TMEM184C: variants seen among roughly 807,000 people sequenced by gnomAD.
TMEM184C encodes the protein transmembrane protein 34.
In TMEM184C, 25 loss-of-function variants were observed where a neutral mutation model predicts 54.5. The observed-to-expected ratio is 0.46, with a 90% CI of 0.33 to 0.64. The LOEUF (loss-of-function observed/expected upper bound fraction) is 0.64, where lower values mean the gene tolerates loss of function less well. Among genes scored for constraint, TMEM184C ranks in the 30% least tolerant of loss-of-function variants. TMEM184C has a pLI of 0.02. For synonymous variants in TMEM184C, 148 were observed against 181.5 expected (o/e 0.82, Z 1.49); for missense variants, 335 against 520.3 (o/e 0.64, Z 3.46).
chr4:147,617,832 A>C lies in TMEM184C; in HGVS notation c.-125A>C. On this transcript the variant is annotated 5_prime_UTR_variant, in exon 1 of 10. It removes the in-frame stop codon of an upstream open reading frame in the 5' UTR. Coordinates refer to ENST00000296582, the MANE Select transcript of TMEM184C (RefSeq NM_018241.3). ...CCAGGAGGCGGCTCGAGCTGTTCGT[A>C]AAGTCGCCCGACAGCTTTTTCTCCG... The C allele has an allele frequency of 7.1e-7, 1 of 1,409,746 alleles. No individual in the cohort carries two copies. Among genetic ancestry groups the C allele is most frequent in the Non-Finnish European group, 9.9e-7 (1 of 1,011,096 alleles). The allele number at this position is 1,409,746 out of a possible 1,614,324, so 87.3% of individuals were successfully genotyped here.
At chr4:147,627,434 G>T (rs1732834531) in intron 4 of TMEM184C, among the ~76,000 whole-genome samples, 1 of 152,144 alleles carries the variant, frequency 6.6e-6, no homozygotes, top group Admixed American at 6.5e-5. Flanking sequence ...GGGATTACAG[G>T]CGTGCCCGGC....
At position 147,617,938 on chromosome 4, in the gene TMEM184C, A is replaced by C; in HGVS notation, c.-19A>C. 6.2e-7 allele frequency: 1 copy of C among 1,613,908 alleles called. No individual in the cohort carries two copies. Among genetic ancestry groups the C allele is most frequent in the Non-Finnish European group, 8.5e-7 (1 of 1,179,876 alleles). On this transcript the variant is annotated 5_prime_UTR_variant, in exon 1 of 10. Coordinates refer to ENST00000296582, the MANE Select transcript of TMEM184C (RefSeq NM_018241.3). ...CGAGATCTTTTCCCTTGCTAACCGG[A>C]TCTGATTTGTGCGAAAACATGCCTT...
intron 4 of TMEM184C, among the ~76,000 whole-genome samples, chr4:147,626,781 A>T (rs991074121): frequency 2.0e-5 from 3 of 152,240 alleles, no homozygotes; most frequent in Non-Finnish European, 4.4e-5. Flanking sequence ...ATATATAGTT[A>T]GTTATTTCAG....
chr4:147,625,261 A>G (rs551566291), intron 4 of TMEM184C, among the ~76,000 whole-genome samples: 1 of 152,360 alleles, frequency 6.6e-6, no homozygotes, highest in East Asian at 1.9e-4. Flanking sequence ...TAAAAACAGT[A>G]ATCATTTAAT....
At chr4:147,619,490 CG>C (rs1243680513) in intron 1 of TMEM184C, among the ~76,000 whole-genome samples, 1 of 152,114 alleles carries the variant, frequency 6.6e-6, no homozygotes, top group Non-Finnish European at 1.5e-5. Flanking sequence ...CCACCGCACC[CG>C]GCCCATATAG....
rs190919721 is a variant in TMEM184C at position 147,635,157 on chromosome 4, T to G, written c.*723T>G. 29 of 152,346 alleles carry G rather than the reference T, an allele frequency of 1.9e-4. No individual in the cohort carries two copies. Among genetic ancestry groups the G allele is most frequent in the Admixed American group, 7.2e-4 (11 of 15,306 alleles). The allele number at this position is 152,346 out of a possible 1,614,324, so 9.4% of individuals were successfully genotyped here. A position where few individuals can be genotyped will look rare whatever the true frequency, so the allele number is the denominator to read the frequency against. On this transcript the variant is annotated 3_prime_UTR_variant, in exon 10 of 10. Coordinates refer to ENST00000296582, the MANE Select transcript of TMEM184C (RefSeq NM_018241.3). ...TAATCATGTGCCATATAAGCTTACC[T>G]AACAAACAGTTATATCCCTATTCCT... is the stretch of plus-strand genomic sequence containing the variant.
In TMEM184C at chr4:147,633,007, G is replaced by A. The variant is rs1467094807; in HGVS notation, c.879+5G>A. ...GCTGTGGCCACCGGACTCCAGGTAA[G>A]TAGTGCCATCTCTGAATTCAATAGA... On this transcript the variant is annotated splice_donor_5th_base_variant and intron_variant, in intron 8 of 9. Transcript: ENST00000296582. 1 of 1,610,774 alleles carries A rather than the reference G, an allele frequency of 6.2e-7. No individual in the cohort carries two copies. The highest frequency in any genetic ancestry group is 2.2e-5 in the East Asian group (1 of 44,868).
chr4:147,633,677 C>T, intron 8 of TMEM184C, 88 bp from the exon 9 acceptor site: 2 of 1,157,136 alleles, frequency 1.7e-6, no homozygotes, highest in Non-Finnish European at 2.3e-6. Flanking sequence ...TATCTTAGCA[C>T]TTTTGAAAAG....
At chr4:147,619,259 G>A (rs181815129) in intron 1 of TMEM184C, among the ~76,000 whole-genome samples, 2 of 151,670 alleles carry the variant, frequency 1.3e-5, no homozygotes, top group East Asian at 1.9e-4. Context: ...GTGCAGTGGC[G>A]CGATCTTGGC....
At chr4:147,624,655 C>A in intron 3 of TMEM184C, 149 bp from the exon 4 acceptor site, 1 of 666,556 alleles carries the variant, frequency 1.5e-6, no homozygotes, top group Middle Eastern at 4.3e-4. Context: ...ATTGATAGCC[C>A]TCATAATGAT....
chr4:147,636,453 C>A lies in TMEM184C; in HGVS notation c.*2019C>A, dbSNP rs1056100260. ...ACATGCAAAACAATGAAATCAGACC[C>A]TTATCTTAGACCTACACAACAATCA... is the stretch of plus-strand genomic sequence containing the variant. On this transcript the variant is annotated 3_prime_UTR_variant, in exon 10 of 10. Coordinates refer to ENST00000296582, the MANE Select transcript of TMEM184C (RefSeq NM_018241.3). The A allele has an allele frequency of 6.6e-6, 1 of 151,710 alleles. No homozygotes were observed. The highest frequency in any genetic ancestry group is 1.5e-5 in the Non-Finnish European group (1 of 67,908). The allele number at this position is 151,710 out of a possible 1,614,324, so 9.4% of individuals were successfully genotyped here. A position where few individuals can be genotyped will look rare whatever the true frequency, so the allele number is the denominator to read the frequency against.
chr4:147,624,475 A>G (rs1732773402), intron 3 of TMEM184C, among the ~76,000 whole-genome samples: 1 of 152,224 alleles, frequency 6.6e-6, no homozygotes, highest in African/African-American at 2.4e-5. Context: ...TAAATATTAA[A>G]GGAAATATCT....
At chr4:147,620,821 A>G (rs926600928) in intron 1 of TMEM184C, among the ~76,000 whole-genome samples, 5 of 152,220 alleles carry the variant, frequency 3.3e-5, no homozygotes, top group African/African-American at 9.6e-5. Context: ...GAGTTCTGTT[A>G]TGGACATTTA....
intron 4 of TMEM184C, among the ~76,000 whole-genome samples, chr4:147,626,101 C>G (rs898770758): frequency 2.0e-5 from 3 of 152,100 alleles, no homozygotes; most frequent in African/African-American, 7.2e-5. Flanking sequence ...TCAACAAATG[C>G]AGGGTCTGCA....
At chr4:147,627,285 T>G (rs1054191255) in intron 4 of TMEM184C, among the ~76,000 whole-genome samples, 3 of 151,514 alleles carry the variant, frequency 2.0e-5, no homozygotes, top group Admixed American at 2.0e-4. Flanking sequence ...AAATTTCATT[T>G]TCAAAGATTA....
At chr4:147,621,076 T>C (rs1457032884) in intron 1 of TMEM184C, among the ~76,000 whole-genome samples, 1 of 152,206 alleles carries the variant, frequency 6.6e-6, no homozygotes, top group African/African-American at 2.4e-5. Context: ...AGGGTGACCA[T>C]CTGCACTGTT....
rs145029983 is a variant in TMEM184C at position 147,617,676 on chromosome 4, T to A, written c.-281T>A. 718 of 386,220 alleles carry A rather than the reference T, an allele frequency of 1.9e-3. 10 individuals carry two copies. Among genetic ancestry groups the A allele is most frequent in the African/African-American group, 0.014 (671 of 48,462 alleles). The allele number at this position is 386,220 out of a possible 1,614,324, so 23.9% of individuals were successfully genotyped here. ...CCCAGGTGAGGGCAGCGGCTCTGCC[T>A]GGGATTCCACCGCAGTACAACCGGG... On this transcript the variant is annotated 5_prime_UTR_variant, in exon 1 of 10. Coordinates refer to ENST00000296582, the MANE Select transcript of TMEM184C (RefSeq NM_018241.3).
Position 147,617,919 on chromosome 4 carries a change from C to CT in TMEM184C, c.-34dup. 6.2e-7 allele frequency: 1 copy of CT among 1,612,496 alleles called. No homozygotes were observed. The highest frequency in any genetic ancestry group is 8.5e-7 in the Non-Finnish European group (1 of 1,179,084). On this transcript the variant is annotated 5_prime_UTR_variant, in exon 1 of 10. It removes the in-frame stop codon of an upstream open reading frame in the 5' UTR. Transcript: ENST00000296582. ...CTCCCCATTACAATCTTTTCGAGATCTTTTCCCTTGCTAACCGGATCTGAT... is the reference window on the plus strand; with the variant it reads ...CTCCCCATTACAATCTTTTCGAGATCTTTTTCCCTTGCTAACCGGATCTGAT...
chr4:147,631,354 C>A, intron 6 of TMEM184C, 39 bp from the exon 7 acceptor site: 1 of 1,430,752 alleles, frequency 7.0e-7, no homozygotes, highest in Non-Finnish European at 9.6e-7. Context: ...ATTACCATAT[C>A]TATTACTGAA....
Sources: gnomAD v4.1 joint callset for allele counts (sites outside exome capture counted in the v4.1 genomes callset) on GRCh38, gnomAD v4.1.1 for gene constraint, MANE v1.5 for transcripts, NCBI Gene and HGNC (gene_info 2026-07-23, HGNC 2026-07-21) for gene names.